LMNTD2: variants seen among roughly 807,000 people sequenced by gnomAD.
LMNTD2 encodes lamin tail domain-containing protein 2.
LMNTD2 carries 83 observed loss-of-function variants against 70.1 expected under a neutral mutation model. That is an observed-to-expected ratio of 1.18 (90% CI 0.99 to 1.42). The LOEUF is 1.42. Among genes scored for constraint, LMNTD2 ranks in the 40% most tolerant of loss-of-function variants. The pLI is 0.00. For synonymous variants in LMNTD2, 534 were observed against 406.1 expected (o/e 1.31, Z -3.79); for missense variants, 1,153 against 905.9 (o/e 1.27, Z -3.50).
rs1156487770 is a variant in LMNTD2, at chr11:557,560, G to A, written c.624+12C>T. ...CAGATACCAGACCACACACGTGGGA[G>A]GCCTAGCTCACCTCCCCGGTGGGGG... is the stretch of plus-strand genomic sequence containing the variant. On this transcript the variant is annotated intron_variant, in intron 6 of 13. Transcript: ENST00000329451. 1.2e-6 allele frequency: 2 copies of A among 1,613,450 alleles called. No homozygotes were observed. Among genetic ancestry groups the A allele is most frequent in the Non-Finnish European group, 1.7e-6 (2 of 1,179,862 alleles).
chr11:555,420 A>G lies in LMNTD2; in HGVS notation c.1658T>C (p.Ile553Thr). The G allele has an allele frequency of 1.4e-6, 2 of 1,394,896 alleles. No homozygotes were observed. Among genetic ancestry groups the G allele is most frequent in the East Asian group, 2.9e-5 (1 of 33,926 alleles). 86.4% of individuals were successfully genotyped at this position (1,394,896 alleles called of 1,614,324 possible). ...EGPARPENPE[I>T]PAPQHLPAIP... The stretch of plus-strand genomic sequence containing the variant: ...GGCGGGCAGGTGCTGCGGCGCGGGG[A>G]TCTCGGGGTTCTCGGGCCGCGCAGG... Residue 553 changes from isoleucine (I) to threonine (T), a missense_variant, in exon 13 of 14, where the codon ATC becomes ACC. Coordinates refer to ENST00000329451, the MANE Select transcript of LMNTD2 (RefSeq NM_173573.3).
chr11:556,581 C>T lies in LMNTD2; in HGVS notation c.984G>A (p.Gln328=). ...CGCCGTGCCTGGGTGAGTGGGTTTTCTGGAGATCTAGAGAGAGCAGCGCTT... is the reference window on the plus strand; with the variant it reads ...CGCCGTGCCTGGGTGAGTGGGTTTTTTGGAGATCTAGAGAGAGCAGCGCTT... ...GSYSRDSEDL[Q]KTHSPRHGEP... Residue 328 remains glutamine, a synonymous_variant, in exon 9 of 14, where the codon CAG becomes CAA. Coordinates refer to ENST00000329451, the MANE Select transcript of LMNTD2 (RefSeq NM_173573.3). 1 of 1,542,772 alleles carries T rather than the reference C, an allele frequency of 6.5e-7. No homozygotes were observed.
chr11:560,473 G>A, intron 1 of LMNTD2: 1 of 1,255,530 alleles, frequency 8.0e-7, no homozygotes, highest in Non-Finnish European at 1.0e-6. Flanking sequence ...TGGTGACCCT[G>A]CGACCCCGCG....
At chr11:559,231 C>G (rs1853120420) in intron 1 of LMNTD2, 1 of 1,487,770 alleles carries the variant, frequency 6.7e-7, no homozygotes, top group African/African-American at 1.4e-5. Flanking sequence ...GGTCACCACC[C>G]GACATGTCCC....
intron 1 of LMNTD2, chr11:560,396 C>G: frequency 8.2e-7 from 1 of 1,216,060 alleles, no homozygotes. Flanking sequence ...GCCTTCTGAG[C>G]GGGCACCTCC....
intron 1 of LMNTD2, chr11:559,904 C>T (rs1853167264): frequency 2.9e-6 from 1 of 344,834 alleles, no homozygotes; most frequent in Non-Finnish European, 4.2e-6. Flanking sequence ...AAACTACAGG[C>T]ACCCGCCTCC....
chr11:555,114 G>C lies in LMNTD2; in HGVS notation c.1774-3C>G, dbSNP rs369845778. 1.2e-5 allele frequency: 17 copies of C among 1,459,982 alleles called. No homozygotes were observed. The highest frequency in any genetic ancestry group is 2.5e-4 in the Middle Eastern group (1 of 4,006). 90.4% of individuals were successfully genotyped at this position (1,459,982 alleles called of 1,614,324 possible). Reference sequence around the variant, plus strand: ...CGGTCCACGCTCTTCCGGCACACCTGGGGGGCGCGGGGGCTGAGAGGCGCG... The same window carrying C: ...CGGTCCACGCTCTTCCGGCACACCTCGGGGGCGCGGGGGCTGAGAGGCGCG... On this transcript the variant is annotated splice_region_variant and splice_polypyrimidine_tract_variant and intron_variant, in intron 13 of 13. Transcript: ENST00000329451.
Position 555,484 on chromosome 11 carries a change from G to A in LMNTD2, c.1594C>T (p.Pro532Ser). The change falls in exon 13 of 14, where the codon CCA becomes TCA. Residue 532 changes from proline to serine, a missense_variant. By Grantham distance (74) the Pro-to-Ser change is moderately conservative. Coordinates refer to ENST00000329451, the MANE Select transcript of LMNTD2 (RefSeq NM_173573.3). ...TGGAAGAGCTTCCCCGAGCTCACTG[G>A]GGGCAGCAGGCCCCGCGTCCTGGTG... ...RRPGTRGLLP[P>S]VSSGKLFHAR... is the part of the protein sequence containing the mutation. 1.5e-6 allele frequency: 2 copies of A among 1,369,352 alleles called. No individual in the cohort carries two copies. The highest frequency in any genetic ancestry group is 9.4e-7 in the Non-Finnish European group (1 of 1,067,590). 84.8% of individuals were successfully genotyped at this position (1,369,352 alleles called of 1,614,324 possible). A position where few individuals can be genotyped will look rare whatever the true frequency, so the allele number is the denominator to read the frequency against.
chr11:555,189 G>A (rs1341150008), intron 13 of LMNTD2, 78 bp from the exon 14 acceptor site: 2 of 471,730 alleles, frequency 4.2e-6, no homozygotes, highest in Non-Finnish European at 6.4e-6. Context: ...GAGGGGAGGG[G>A]CGGGGAGGAG....
At position 555,487 on chromosome 11, in the gene LMNTD2, G is replaced by A; in HGVS notation, c.1591C>T (p.Pro531Ser). 3.7e-6 allele frequency: 5 copies of A among 1,369,116 alleles called. No individual in the cohort carries two copies. Among genetic ancestry groups the A allele is most frequent in the South Asian group, 3.7e-5 (2 of 54,496 alleles). The allele number at this position is 1,369,116 out of a possible 1,614,324, so 84.8% of individuals were successfully genotyped here. Residue 531 changes from proline to serine, a missense_variant, in exon 13 of 14, where the codon CCC becomes TCC. Coordinates refer to ENST00000329451, the MANE Select transcript of LMNTD2 (RefSeq NM_173573.3). ...RRRPGTRGLL[P>S]PVSSGKLFHA... ...AAGAGCTTCCCCGAGCTCACTGGGG[G>A]CAGCAGGCCCCGCGTCCTGGTGGGG...
chr11:560,689 G>T lies in LMNTD2; in HGVS notation c.28C>A (p.Arg10Ser), dbSNP rs959842543. The change falls in exon 1 of 14, where the codon CGT (arginine) becomes AGT (serine). Residue 10 changes from arginine to serine, a missense_variant. Arg to Ser is a moderately radical substitution (Grantham distance 110). Transcript: ENST00000329451. MRWLRPAGRRREQESVSGHL... is the reference protein window; with the variant it reads MRWLRPAGRSREQESVSGHL... The stretch of plus-strand genomic sequence containing the variant: ...AGCGGGGCCAGACACCTACCCCGAC[G>T]CCTGCCCGCGGGCCGCAGCCACCGC... 2.8e-6 allele frequency: 4 copies of T among 1,439,352 alleles called. No homozygotes were observed. Among genetic ancestry groups the T allele is most frequent in the Admixed American group, 2.6e-5 (1 of 37,754 alleles). The allele number at this position is 1,439,352 out of a possible 1,614,324, so 89.2% of individuals were successfully genotyped here.
rs920074857 is a variant in LMNTD2, at chr11:556,195, G to T, written c.1254C>A (p.Val418=). The change falls in exon 10 of 14, where the codon GTC becomes GTA. Residue 418 remains valine, a synonymous_variant. Coordinates refer to ENST00000329451, the MANE Select transcript of LMNTD2 (RefSeq NM_173573.3). ...GGGCTCCCGGGCCGGGGCGCACCGTGACGTGGTGCCGCGGGGCCAGCAGCG... is the reference window on the plus strand; with the variant it reads ...GGGCTCCCGGGCCGGGGCGCACCGTTACGTGGTGCCGCGGGGCCAGCAGCG... The part of the protein sequence containing the change: ...PGTLLAPRHH[V]TVWGEATRSA... 7.1e-7 allele frequency: 1 copy of T among 1,417,834 alleles called. No homozygotes were observed. The highest frequency in any genetic ancestry group is 9.2e-7 in the Non-Finnish European group (1 of 1,092,754). 87.8% of individuals were successfully genotyped at this position (1,417,834 alleles called of 1,614,324 possible).
At chr11:560,151 C>T (rs1853182243) in intron 1 of LMNTD2, 1 of 290,712 alleles carries the variant, frequency 3.4e-6, no homozygotes, top group African/African-American at 2.3e-5. Context: ...TGTAAGGGCT[C>T]CCTGGGGGAG....
chr11:556,788 G>A (rs776058831), intron 8 of LMNTD2, 47 bp downstream of exon 8: 10 of 1,502,028 alleles, frequency 6.7e-6, no homozygotes, highest in African/African-American at 2.8e-5. Flanking sequence ...CTCTGAGGGG[G>A]TGGAGGGTGG....
rs148920876 is a variant in LMNTD2, at chr11:557,469, C to A, written c.643G>T (p.Val215Leu). ...CGGCGGGCAACGCTGTTCCAATCCA[C>A]GTCCTCCAGCCGAAAGCCCTGGCCA... ...PTGEGFRLEDVDWNSVARRYP... is the reference protein window; with the variant it reads ...PTGEGFRLEDLDWNSVARRYP... Residue 215 changes from valine to leucine, a missense_variant, in exon 7 of 14, where the codon GTG becomes TTG. Physicochemically the swap from Val to Leu is conservative, Grantham distance 32 (BLOSUM62 1). Transcript: ENST00000329451. 2.5e-6 allele frequency: 4 copies of A among 1,611,054 alleles called. No individual in the cohort carries two copies. Among genetic ancestry groups the A allele is most frequent in the Non-Finnish European group, 3.4e-6 (4 of 1,178,772 alleles).
At chr11:555,666 G>C (rs573848532) in intron 12 of LMNTD2, 68 bp downstream of exon 12, 234 of 1,333,414 alleles carry the variant, frequency 1.8e-4, no homozygotes, top group Non-Finnish European at 2.0e-4. Flanking sequence ...GAGGGGATAC[G>C]AGGGACCGTT....
Position 555,189 on chromosome 11 carries a change from G to GCGGGGAGGAGAGCGGAGGGA in LMNTD2, c.1774-79_1774-78insTCCCTCCGCTCTCCTCCCCG, listed in dbSNP as rs1467226655. 8.3e-4 allele frequency: 392 copies of GCGGGGAGGAGAGCGGAGGGA among 471,800 alleles called. 2 individuals are homozygous for GCGGGGAGGAGAGCGGAGGGA. The highest frequency in any genetic ancestry group is 9.2e-4 in the Non-Finnish European group (287 of 311,618). 29.2% of individuals were successfully genotyped at this position (471,800 alleles called of 1,614,324 possible). ...GAGGGGAGGGGAGGAGAGGGGAGGGGCGGGGAGGAGAGCGGAGGGGAGGGG... is the reference window on the plus strand; with the variant it reads ...GAGGGGAGGGGAGGAGAGGGGAGGGGCGGGGAGGAGAGCGGAGGGACGGGGAGGAGAGCGGAGGGGAGGGG... On this transcript the variant is annotated intron_variant, in intron 13 of 13. Transcript: ENST00000329451.
At position 559,539 on chromosome 11, in the gene LMNTD2, C is replaced by T. The variant is rs1215242926; in HGVS notation, c.35-560G>A. On this transcript the variant is annotated intron_variant, in intron 1 of 13. Coordinates refer to ENST00000329451, the MANE Select transcript of LMNTD2 (RefSeq NM_173573.3). ...GAGGCTGAGCCACTGCTCAGCTTAGCGGGGGGACCACTTAGTGACCAACAC... is the reference window on the plus strand; with the variant it reads ...GAGGCTGAGCCACTGCTCAGCTTAGTGGGGGGACCACTTAGTGACCAACAC... The T allele has an allele frequency of 1.1e-5, 14 of 1,229,690 alleles. No homozygotes were observed. In the East Asian group the frequency reaches 2.9e-4, roughly 25 times the overall value. 76.2% of individuals were successfully genotyped at this position (1,229,690 alleles called of 1,614,324 possible).
intron 8 of LMNTD2, 34 bp from the exon 9 acceptor site, chr11:556,622 T>G: frequency 6.8e-7 from 1 of 1,460,006 alleles, no homozygotes; most frequent in Non-Finnish European, 9.1e-7. Flanking sequence ...GAGGGGACCC[T>G]CGAATGGAGT....
Sources: allele counts gnomAD v4.1 joint callset, GRCh38; gene constraint gnomAD v4.1.1; transcripts MANE v1.5; gene names NCBI Gene and HGNC (gene_info 2026-07-23, HGNC 2026-07-21).